TRNAU1AP: variants seen among roughly 807,000 people sequenced by gnomAD.
The protein encoded by TRNAU1AP is tRNA selenocysteine 1 associated protein 1, also known as tRNA selenocysteine 1-associated protein 1.
TRNAU1AP carries 33 observed loss-of-function variants against 43.3 expected under a neutral mutation model. That is an observed-to-expected ratio of 0.76 (90% CI 0.58 to 1.02). TRNAU1AP has a LOEUF of 1.02. TRNAU1AP is among the 50% of genes least tolerant of loss of function. TRNAU1AP has a pLI of 0.00. For synonymous variants in TRNAU1AP, 143 were observed against 129.1 expected, an observed-to-expected ratio of 1.11 and a Z score of -0.73; for missense variants, 290 against 362.7, an observed-to-expected ratio of 0.80 and a Z score of 1.63.
At chr1:28,576,920 A>C (rs1263447018) in intron 8 of TRNAU1AP, among the ~76,000 whole-genome samples, 2 of 152,252 alleles carry the variant, frequency 1.3e-5, no homozygotes, top group Non-Finnish European at 2.9e-5. Context: ...GTATTTTACC[A>C]CCAGGGACAG....
chr1:28,577,616 GAGATCCCT>G lies in TRNAU1AP; in HGVS notation c.845_852del (p.Glu282GlyfsTer16). ...GCAGCCCCTGGACACAGTGTCTTCA[GAGATCCCT>G]GCCATGATGTAGCCAGGCCAAAGGA... On this transcript the variant is annotated frameshift_variant, in exon 9 of 9. Transcript: ENST00000373830. LOFTEE classifies it high-confidence loss of function. 6.2e-7 allele frequency: 1 copy of G among 1,614,152 alleles called. No homozygotes were observed. Among genetic ancestry groups the G allele is most frequent in the South Asian group, 1.1e-5 (1 of 91,072 alleles).
In TRNAU1AP at chr1:28,561,320, T is replaced by C. The variant is rs778817887; in HGVS notation, c.226-26T>C. ...ACTCTTGAAACACCTTTCTCTGTTT[T>C]AGTTTGTTTGTTTTTCAACTTCCAG... On this transcript the variant is annotated intron_variant, in intron 3 of 8. Transcript: ENST00000373830. The C allele has an allele frequency of 2.5e-6, 4 of 1,614,012 alleles. No homozygotes were observed. In the South Asian group the frequency reaches 3.3e-5, roughly 13 times the overall value.
At chr1:28,555,780 G>A (rs1177682354) in intron 2 of TRNAU1AP, among the ~76,000 whole-genome samples, 1 of 151,456 alleles carries the variant, frequency 6.6e-6, no homozygotes, top group Non-Finnish European at 1.5e-5. Flanking sequence ...TTCTCTTCTT[G>A]CTCTTCTAAG....
intron 2 of TRNAU1AP, among the ~76,000 whole-genome samples, chr1:28,556,787 G>A (rs1665274986): frequency 2.0e-5 from 3 of 152,116 alleles, no homozygotes; most frequent in South Asian, 4.1e-4. Context: ...AGGTTCAAGC[G>A]ATTCTCCTGC....
At chr1:28,566,917 G>A (rs1665554050) in intron 5 of TRNAU1AP, among the ~76,000 whole-genome samples, 1 of 152,268 alleles carries the variant, frequency 6.6e-6, no homozygotes, top group Admixed American at 6.5e-5. Context: ...CCTGTGCGTA[G>A]CACAGTGCCT....
intron 1 of TRNAU1AP, 24 bp from the exon 2 acceptor site, chr1:28,553,616 C>T: frequency 6.2e-7 from 1 of 1,610,594 alleles, no homozygotes; most frequent in Non-Finnish European, 8.5e-7. Context: ...CGGCCTGAGC[C>T]GCTGTGCTCT....
At chr1:28,559,647 CA>C (rs1234844909) in intron 2 of TRNAU1AP, among the ~76,000 whole-genome samples, 2 of 151,324 alleles carry the variant, frequency 1.3e-5, no homozygotes, top group Non-Finnish European at 2.9e-5. Context: ...GCAACAAGAG[CA>C]AAACTCGGTC....
At chr1:28,565,138 G>A (rs1398775327) in intron 5 of TRNAU1AP, 3 of 332,850 alleles carry the variant, frequency 9.0e-6, no homozygotes, top group South Asian at 3.0e-5. Context: ...TGCTTTATAG[G>A]TGTTTGCTGT....
rs757784015 is a variant in TRNAU1AP, at chr1:28,567,405, C to A, written c.522C>A (p.Ile174=). 51 of 1,605,902 alleles carry A rather than the reference C, an allele frequency of 3.2e-5. 1 individual carries two copies. The South Asian group carries it at 5.4e-4, about 17-fold the overall frequency. Residue 174 remains isoleucine (I), a synonymous_variant, in exon 6 of 9, where the codon ATC becomes ATA. Coordinates refer to ENST00000373830, the MANE Select transcript of TRNAU1AP (RefSeq NM_017846.5). ...GSKPVRLSVA[I]PKASRVKPVE... ...AGCCTGTGCGGCTGAGCGTGGCAAT[C>A]CCTAAAGCGTGAGTCCTGCAGGGAA...
chr1:28,575,539 T>A (rs1412188085), intron 8 of TRNAU1AP, among the ~76,000 whole-genome samples: 1 of 146,648 alleles, frequency 6.8e-6, no homozygotes, highest in Non-Finnish European at 1.5e-5. Flanking sequence ...CTCAGCTCAC[T>A]GCAACCTCCG....
At chr1:28,568,855 A>C (rs1329478506) in intron 6 of TRNAU1AP, among the ~76,000 whole-genome samples, 1 of 146,184 alleles carries the variant, frequency 6.8e-6, no homozygotes, top group African/African-American at 2.6e-5. Context: ...TCTTTTGCCC[A>C]TGCTGGAATG....
At chr1:28,572,314 C>T (rs1448301473) in intron 8 of TRNAU1AP, among the ~76,000 whole-genome samples, 1 of 152,096 alleles carries the variant, frequency 6.6e-6, no homozygotes, top group African/African-American at 2.4e-5. Context: ...CTGCCTCAGC[C>T]TCCCGAGTAG....
At chr1:28,556,455 CTT>C (rs893497684) in intron 2 of TRNAU1AP, among the ~76,000 whole-genome samples, 30 of 150,218 alleles carry the variant, frequency 2.0e-4, no homozygotes, top group Non-Finnish European at 1.3e-4. Flanking sequence ...CAGAGGGAAA[CTT>C]TGTTGCAAAA....
chr1:28,560,755 G>GGCAACATC, intron 3 of TRNAU1AP, 23 bp downstream of exon 3: 1 of 1,550,922 alleles, frequency 6.4e-7, no homozygotes, highest in Middle Eastern at 1.7e-4. Context: ...AGATAATGAT[G>GGCAACATC]ATGTTGCCAT....
At chr1:28,561,010 C>T (rs1444045714) in intron 3 of TRNAU1AP, 31 of 1,305,050 alleles carry the variant, frequency 2.4e-5, no homozygotes, top group Non-Finnish European at 2.9e-5. Flanking sequence ...CTCCCATAAC[C>T]GAAGACTTGA....
rs1665655136 is a variant in TRNAU1AP at position 28,571,212 on chromosome 1, C to T, written c.567C>T (p.Tyr189=). The T allele has an allele frequency of 1.2e-6, 2 of 1,614,102 alleles. No homozygotes were observed. The highest frequency in any genetic ancestry group is 1.1e-5 in the South Asian group (1 of 91,078). Residue 189 remains tyrosine (Y), a synonymous_variant, in exon 7 of 9, where the codon TAC becomes TAT. Coordinates refer to ENST00000373830, the MANE Select transcript of TRNAU1AP (RefSeq NM_017846.5). ...RVKPVEYSQM[Y]SYSYNQYYQQ... ...AGCCAGTGGAATATAGTCAGATGTA[C>T]AGTTATAGCTACAACCAGTATTATC...
At chr1:28,576,622 G>A (rs1246486132) in intron 8 of TRNAU1AP, among the ~76,000 whole-genome samples, 3 of 147,162 alleles carry the variant, frequency 2.0e-5, no homozygotes, top group Admixed American at 6.9e-5. Flanking sequence ...CGGCCGAGAC[G>A]GGGTTTTGCT....
At chr1:28,553,441 G>A (rs1665179036) in intron 1 of TRNAU1AP, 199 bp from the exon 2 acceptor site, 1 of 630,048 alleles carries the variant, frequency 1.6e-6, no homozygotes, top group Non-Finnish European at 2.8e-6. Context: ...GGGTTTCTAG[G>A]TCCAAGGGGA....
At chr1:28,575,467 T>G (rs1004033122) in intron 8 of TRNAU1AP, among the ~76,000 whole-genome samples, 3 of 148,980 alleles carry the variant, frequency 2.0e-5, no homozygotes, top group Non-Finnish European at 4.5e-5. Flanking sequence ...TTTTTTTTGT[T>G]TTTTTTTTTT....
Sources: gnomAD v4.1 joint callset for allele counts (sites outside exome capture counted in the v4.1 genomes callset) on GRCh38, gnomAD v4.1.1 for gene constraint, MANE v1.5 for transcripts, NCBI Gene and HGNC (gene_info 2026-07-23, HGNC 2026-07-21) for gene names.